Variants in SCAMP1 observed in about 807,000 individuals in gnomAD.
SCAMP1 encodes secretory carrier membrane protein 1, also known as secretory carrier-associated membrane protein 1.
In SCAMP1, 15 loss-of-function variants were observed where a neutral mutation model predicts 41.8. The observed-to-expected ratio is 0.36, with a 90% CI of 0.24 to 0.55. SCAMP1 has a LOEUF of 0.55. Among genes scored for constraint, SCAMP1 ranks in the 20% least tolerant of loss-of-function variants. The pLI, the probability that SCAMP1 is intolerant of heterozygous loss-of-function variation, is 0.86. For missense variants in SCAMP1, 341 were observed against 412.6 expected (o/e 0.83, Z 1.50); for synonymous variants, 135 against 136.8 (o/e 0.99, Z 0.09).
intron 8 of SCAMP1, among the ~76,000 whole-genome samples, chr5:78,462,108 A>G (rs937430729): frequency 6.6e-6 from 1 of 151,528 alleles, no homozygotes; most frequent in African/African-American, 2.4e-5. Context: ...TCTTTGTGTC[A>G]TGTGTGATTT....
chr5:78,387,818 G>T (rs1319429275), intron 1 of SCAMP1, among the ~76,000 whole-genome samples: 3 of 152,306 alleles, frequency 2.0e-5, no homozygotes, highest in Non-Finnish European at 4.4e-5. Flanking sequence ...TCCATCTTCA[G>T]GTCTGTCAGC....
At chr5:78,438,634 T>G (rs1474762962) in intron 6 of SCAMP1, among the ~76,000 whole-genome samples, 1 of 152,158 alleles carries the variant, frequency 6.6e-6, no homozygotes, top group African/African-American at 2.4e-5. Context: ...TTACTTCCAA[T>G]TCTGTGGTCA....
intron 1 of SCAMP1, among the ~76,000 whole-genome samples, chr5:78,377,460 G>A (rs1751094151): frequency 6.6e-6 from 1 of 152,140 alleles, no homozygotes; most frequent in South Asian, 2.1e-4. Context: ...AGTCAGTACC[G>A]AGTTGCTTCT....
chr5:78,435,422 G>A (rs1360144838), intron 6 of SCAMP1, among the ~76,000 whole-genome samples: 1 of 152,096 alleles, frequency 6.6e-6, no homozygotes, highest in Non-Finnish European at 1.5e-5. Context: ...TCCCCGCCCT[G>A]CGTCCAAGGG....
intron 1 of SCAMP1, among the ~76,000 whole-genome samples, chr5:78,387,306 C>T (rs950820676): frequency 2.7e-5 from 4 of 149,436 alleles, no homozygotes; most frequent in South Asian, 2.1e-4. Flanking sequence ...CCAGAAGTTG[C>T]GATTGTTTTT....
intron 6 of SCAMP1, among the ~76,000 whole-genome samples, chr5:78,449,053 G>T (rs991144277): frequency 6.6e-6 from 1 of 151,520 alleles, no homozygotes; most frequent in Non-Finnish European, 1.5e-5. Flanking sequence ...TTGTAAAACA[G>T]TTTGGCAGTT....
Position 78,360,735 on chromosome 5 carries a change from T to C in SCAMP1, c.57+7T>C, listed in dbSNP as rs548670756. ...TCTCAACAATCCCTTCAAGGTGAGC[T>C]TCGGCCCCAGCATCTCCTGCCGCCG... On this transcript the variant is annotated splice_region_variant and intron_variant, in intron 1 of 8. Transcript: ENST00000621999. 2.5e-6 allele frequency: 4 copies of C among 1,605,348 alleles called. No individual in the cohort carries two copies. Among genetic ancestry groups the C allele is most frequent in the South Asian group, 2.2e-5 (2 of 89,360 alleles).
At chr5:78,475,481 C>G in intron 8 of SCAMP1, 23 bp from the exon 9 acceptor site, 2 of 1,530,942 alleles carry the variant, frequency 1.3e-6, no homozygotes, top group Non-Finnish European at 1.8e-6. Context: ...CTTACCTTCT[C>G]CCACTTTTTT....
intron 2 of SCAMP1, among the ~76,000 whole-genome samples, chr5:78,397,753 T>G (rs1181752084): frequency 6.6e-6 from 1 of 152,192 alleles, no homozygotes; most frequent in Non-Finnish European, 1.5e-5. Flanking sequence ...AAACCCCATC[T>G]CTACCAAAAA....
chr5:78,475,392 T>C, intron 8 of SCAMP1, 112 bp from the exon 9 acceptor site: 1 of 654,114 alleles, frequency 1.5e-6, no homozygotes, highest in Non-Finnish European at 2.4e-6. Flanking sequence ...ATCTTAGGAA[T>C]CATGACTACA....
chr5:78,439,362 T>A (rs1410064807), intron 6 of SCAMP1, among the ~76,000 whole-genome samples: 1 of 152,210 alleles, frequency 6.6e-6, no homozygotes, highest in African/African-American at 2.4e-5. Flanking sequence ...CTGGTTGTTT[T>A]TTTCCATGTT....
At chr5:78,381,384 A>G (rs1751202299) in intron 1 of SCAMP1, among the ~76,000 whole-genome samples, 1 of 152,238 alleles carries the variant, frequency 6.6e-6, no homozygotes, top group Non-Finnish European at 1.5e-5. Flanking sequence ...TTGAGGACTC[A>G]CTGGTTACTG....
chr5:78,457,316 T>A (rs1237249169), intron 7 of SCAMP1, among the ~76,000 whole-genome samples: 1 of 152,182 alleles, frequency 6.6e-6, no homozygotes, highest in Non-Finnish European at 1.5e-5. Context: ...CTTTGTGGTT[T>A]TATCTACTTT....
rs186853104 is a variant in SCAMP1, at chr5:78,376,540, A to C, written c.58-12297A>C. 3.2e-4 allele frequency among the ~76,000 whole-genome samples: 49 copies of C among 152,320 alleles called. No individual in the cohort carries two copies. In the East Asian group the frequency reaches 9.1e-3, roughly 28 times the overall value. On this transcript the variant is annotated intron_variant, in intron 1 of 8. Transcript: ENST00000621999. ...TCTTAGCAGTCACTTAATGGTGAGA[A>C]TTTACCTGTCATTGCAATCTGTTCA... is the stretch of plus-strand genomic sequence containing the variant.
chr5:78,416,702 T>C, intron 4 of SCAMP1, 53 bp downstream of exon 4: 2 of 1,315,314 alleles, frequency 1.5e-6, no homozygotes, highest in Non-Finnish European at 2.1e-6. Context: ...CTTTACATTA[T>C]GTCTATACTA....
chr5:78,370,422 G>A (rs1165505752), intron 1 of SCAMP1, among the ~76,000 whole-genome samples: 1 of 152,148 alleles, frequency 6.6e-6, no homozygotes, highest in African/African-American at 2.4e-5. Flanking sequence ...GTCCTGCAGC[G>A]TTTGACTTCA....
chr5:78,403,950 CAAAAAAAAAAAAAAAAA>C (rs61249151), intron 2 of SCAMP1, among the ~76,000 whole-genome samples: 2 of 49,334 alleles, frequency 4.1e-5, no homozygotes. Flanking sequence ...GACTCTGTCT[CAAAAAAAAAAAAAAAAA>C]AAAAAAAAAA....
At chr5:78,444,460 A>G (rs572672517) in intron 6 of SCAMP1, among the ~76,000 whole-genome samples, 45 of 152,318 alleles carry the variant, frequency 3.0e-4, no homozygotes, top group Non-Finnish European at 5.0e-4. Context: ...TCATGAGAAC[A>G]GCACAGGAAA....
intron 2 of SCAMP1, among the ~76,000 whole-genome samples, chr5:78,402,500 G>A (rs1751824303): frequency 6.6e-6 from 1 of 152,050 alleles, no homozygotes; most frequent in Admixed American, 6.6e-5. Flanking sequence ...TTGATGCTCT[G>A]TCATTAGGTG....
Sources: allele counts gnomAD v4.1 joint callset (sites outside exome capture counted in the v4.1 genomes callset), GRCh38; gene constraint gnomAD v4.1.1; transcripts MANE v1.5; gene names NCBI Gene and HGNC (gene_info 2026-07-23, HGNC 2026-07-21).